Variants in SYNE2 observed in about 807,000 individuals in gnomAD.
The protein encoded by SYNE2 is spectrin repeat containing nuclear envelope protein 2, also known as nesprin-2.
In SYNE2, 431 loss-of-function variants were observed where a neutral mutation model predicts 856.3. The ratio of observed to expected loss-of-function variants is 0.50; its 90% CI spans 0.47 to 0.55. The LOEUF (loss-of-function observed/expected upper bound fraction) is 0.55. Among genes scored for constraint, SYNE2 ranks in the 20% least tolerant of loss-of-function variants. SYNE2 has a pLI of 0.00. For synonymous variants in SYNE2, 2,923 were observed against 2,872.3 expected, an observed-to-expected ratio of 1.02 and a Z score of -0.56; for missense variants, 8,129 against 8,023.2, an observed-to-expected ratio of 1.01 and a Z score of -0.50.
chr14:64,163,042 G>C (rs1234812048), intron 88 of SYNE2, among the ~76,000 whole-genome samples: 2 of 152,166 alleles, frequency 1.3e-5, no homozygotes, highest in Non-Finnish European at 2.9e-5. Context: ...TCTCAGGCAG[G>C]GGTCAGAGTT....
At chr14:63,978,049 C>A in intron 13 of SYNE2, 32 bp downstream of exon 13, 1 of 1,393,864 alleles carries the variant, frequency 7.2e-7, no homozygotes, top group South Asian at 1.2e-5. Context: ...CAGCTGCTGT[C>A]ACTATTCACG....
Position 64,010,100 on chromosome 14 carries a change from A to G in SYNE2, c.4712A>G (p.Lys1571Arg). The G allele has an allele frequency of 5.0e-6, 8 of 1,612,968 alleles. No homozygotes were observed. Among genetic ancestry groups the G allele is most frequent in the Non-Finnish European group, 6.8e-6 (8 of 1,179,352 alleles). Reference protein sequence around the residue: ...QASYMGKENLKKRIAEIEIVK... With the variant: ...QASYMGKENLRKRIAEIEIVK... ...TCGTACATGGGAAAGGAGAACCTGA[A>G]GAAAAGGATAGCAGAGGTGAGTCCA... The change falls in exon 32 of 116, where the codon AAG becomes AGG. Residue 1571 changes from lysine (K) to arginine (R), a missense_variant. Lys to Arg is a conservative substitution (Grantham distance 26). Around this residue, in one of 3 missense-constraint regions of SYNE2, gnomAD observed 2,422 missense variants for 2,357.4 expected, o/e 1.03. Coordinates refer to ENST00000555002, the MANE Select transcript of SYNE2 (RefSeq NM_182914.3).
chr14:63,781,279 A>C (rs1887297299), intron 1 of SYNE2, among the ~76,000 whole-genome samples: 1 of 140,968 alleles, frequency 7.1e-6, no homozygotes, highest in African/African-American at 2.6e-5. Flanking sequence ...ACTCCAACTC[A>C]AAAAAAAAAA....
At chr14:63,764,331 A>G (rs1411618830) in intron 1 of SYNE2, among the ~76,000 whole-genome samples, 1 of 152,194 alleles carries the variant, frequency 6.6e-6, no homozygotes, top group Non-Finnish European at 1.5e-5. Context: ...TAGTTCAGGG[A>G]ATTGTTTACA....
rs926040785 is a variant in SYNE2, at chr14:63,976,619, T to C, written c.1185T>C (p.Thr395=). 1 of 1,602,736 alleles carries C rather than the reference T, an allele frequency of 6.2e-7. No homozygotes were observed. Among genetic ancestry groups the C allele is most frequent in the Non-Finnish European group, 8.5e-7 (1 of 1,175,368 alleles). ...NYALPPPLHQ[T]EAWLQEVEEL... ...CCTTGCCCCCACCCCTCCATCAAAC[T>C]GAAGCTTGGCTCCAGGAGGTAGAAG... The change falls in exon 12 of 116, where the codon ACT becomes ACC. Residue 395 remains threonine, a synonymous_variant. Coordinates refer to ENST00000555002, the MANE Select transcript of SYNE2 (RefSeq NM_182914.3).
At chr14:63,977,205 A>G (rs186916288) in intron 12 of SYNE2, among the ~76,000 whole-genome samples, 40 of 152,252 alleles carry the variant, frequency 2.6e-4, no homozygotes, top group Non-Finnish European at 4.3e-4. Flanking sequence ...CAGATTTAAA[A>G]CATTTATGAT....
At chr14:63,965,494 A>T (rs2096378890) in intron 10 of SYNE2, among the ~76,000 whole-genome samples, 1 of 152,146 alleles carries the variant, frequency 6.6e-6, no homozygotes, top group African/African-American at 2.4e-5. Context: ...TATTCCCTGT[A>T]CAGTCTTGAA....
intron 57 of SYNE2, chr14:64,084,919 A>G (rs1595411142): frequency 8.6e-6 from 6 of 701,600 alleles, no homozygotes; most frequent in East Asian, 8.0e-5. Flanking sequence ...TTCCAAGCTC[A>G]TTCCCGTGGC....
intron 66 of SYNE2, among the ~76,000 whole-genome samples, chr14:64,118,259 C>T (rs955847086): frequency 6.6e-6 from 1 of 152,066 alleles, no homozygotes; most frequent in South Asian, 2.1e-4. Context: ...AGCCAGCTGG[C>T]ATGACCGAGC....
Position 64,174,973 on chromosome 14 carries a change from A to G in SYNE2, c.17265A>G (p.Arg5755=). 1 of 1,614,150 alleles carries G rather than the reference A, an allele frequency of 6.2e-7. No individual in the cohort carries two copies. Among genetic ancestry groups the G allele is most frequent in the East Asian group, 2.2e-5 (1 of 44,876 alleles). The part of the protein sequence containing the change: ...KNKEIHFQRR[R]TTCALTLEAG... Reference sequence around the variant, plus strand: ...AAGAAATTCATTTTCAAAGGAGGCGAACTACCTGTGCCCTAACCTTGGAAG... The same window carrying G: ...AAGAAATTCATTTTCAAAGGAGGCGGACTACCTGTGCCCTAACCTTGGAAG... The change falls in exon 95 of 116, where the codon CGA becomes CGG. Residue 5755 remains arginine (R), a synonymous_variant. Coordinates refer to ENST00000555002, the MANE Select transcript of SYNE2 (RefSeq NM_182914.3).
chr14:64,073,492 TA>T (rs975558569), intron 52 of SYNE2, among the ~76,000 whole-genome samples: 1 of 152,218 alleles, frequency 6.6e-6, no homozygotes, highest in Admixed American at 6.5e-5. Context: ...TATATCACAA[TA>T]TCATAGATAC....
chr14:64,139,601 C>T (rs949524570), intron 79 of SYNE2, among the ~76,000 whole-genome samples: 1 of 151,678 alleles, frequency 6.6e-6, no homozygotes, highest in Non-Finnish European at 1.5e-5. Flanking sequence ...TTAGTAGAGA[C>T]AGGGTTTTAC....
chr14:63,825,056 T>A (rs1018059130), intron 1 of SYNE2, among the ~76,000 whole-genome samples: 1 of 150,798 alleles, frequency 6.6e-6, no homozygotes, highest in African/African-American at 2.4e-5. Context: ...CCTGAGATCA[T>A]GCCACTGCAC....
chr14:64,132,218 G>T lies in SYNE2; in HGVS notation c.14341-47G>T, dbSNP rs45472593. 0.13 allele frequency: 215,159 copies of T among 1,605,726 alleles called. 21,804 individuals are homozygous for T. The highest frequency in any genetic ancestry group is 0.54 in the African/African-American group (40,235 of 74,640). ...AGTTGAAGTAACTTGGTTTTTAAGA[G>T]TTTTCACAATTTCAAAGTAAATATT... On this transcript the variant is annotated intron_variant, in intron 76 of 115. Transcript: ENST00000555002.
intron 79 of SYNE2, among the ~76,000 whole-genome samples, chr14:64,139,024 C>T (rs1414093509): frequency 1.3e-5 from 2 of 151,674 alleles, no homozygotes; most frequent in African/African-American, 4.8e-5. Context: ...CACTGTGTCA[C>T]CCAGGCTGGA....
chr14:63,796,574 A>C (rs978078138), intron 1 of SYNE2, among the ~76,000 whole-genome samples: 3 of 152,202 alleles, frequency 2.0e-5, no homozygotes, highest in Admixed American at 2.0e-4. Context: ...AAGCATGGGA[A>C]GATATATGTT....
Position 64,190,220 on chromosome 14 carries a change from T to TGATGTCATCGGATCAAGGTAAGAG in SYNE2, c.18038+6_18038+7insGGATGTCATCGGATCAAGGTAAGA. The TGATGTCATCGGATCAAGGTAAGAG allele has an allele frequency of 6.2e-7, 1 of 1,614,120 alleles. No individual in the cohort carries two copies. Among genetic ancestry groups the TGATGTCATCGGATCAAGGTAAGAG allele is most frequent in the Non-Finnish European group, 8.5e-7 (1 of 1,180,034 alleles). ...TTAACGATCGTTGGCAACATCTTTT[T>TGATGTCATCGGATCAAGGTAAGAG]GATGTCATCGGATCAAGGTAAGAAA... On this transcript the variant is annotated stop_gained and inframe_insertion, in exon 99 of 116. Coordinates refer to ENST00000555002, the MANE Select transcript of SYNE2 (RefSeq NM_182914.3). LOFTEE classifies it high-confidence loss of function.
chr14:64,121,516 C>T lies in SYNE2; in HGVS notation c.13158+455C>T, dbSNP rs552823177. On this transcript the variant is annotated intron_variant, in intron 68 of 115. Coordinates refer to ENST00000555002, the MANE Select transcript of SYNE2 (RefSeq NM_182914.3). ...CTAACCTGGGGTGATAGCGTGAGAC[C>T]ATGTCTCCAAAAACAAAAACAAACA... Among the ~76,000 whole-genome samples, 4 of 152,220 alleles carry T rather than the reference C, an allele frequency of 2.6e-5. No individual in the cohort carries two copies. The East Asian group carries it at 7.7e-4, about 29-fold the overall frequency.
Position 63,942,509 on chromosome 14 carries a change from T to C in SYNE2, c.408+366T>C, listed in dbSNP as rs2095936055. Among the ~76,000 whole-genome samples, 9 of 151,726 alleles carry C rather than the reference T, an allele frequency of 5.9e-5. 1 individual carries two copies. The South Asian group carries it at 1.9e-3, about 32-fold the overall frequency. The stretch of plus-strand genomic sequence containing the variant: ...AATTTTCGTATTTTTTTTTTCTTTT[T>C]TTTGAGGTGGAGTTTTGCTCTCGTT... On this transcript the variant is annotated intron_variant, in intron 6 of 115. Transcript: ENST00000555002.
Sources: gnomAD v4.1 joint callset for allele counts (sites outside exome capture counted in the v4.1 genomes callset) on GRCh38, gnomAD v4.1.1 for gene constraint, gnomAD v4.1.1 regional missense constraint, MANE v1.5 for transcripts, NCBI Gene and HGNC (gene_info 2026-07-23, HGNC 2026-07-21) for gene names.